The following MAP2 variants were observed in gnomAD, a reference collection of about 807,000 sequenced individuals.
The protein encoded by MAP2 is microtubule-associated protein 2.
MAP2 carries 14 observed loss-of-function variants against 137.6 expected under a neutral mutation model. The observed-to-expected ratio is 0.10, with a 90% CI of 0.07 to 0.16. The LOEUF (loss-of-function observed/expected upper bound fraction) is 0.16, where lower values mean the gene tolerates loss of function less well. MAP2 is among the 10% of genes least tolerant of loss of function. MAP2 has a pLI of 1.00. For synonymous variants in MAP2, 786 were observed against 782.3 expected (o/e 1.00, Z -0.08); for missense variants, 2,088 against 2,191.5 (o/e 0.95, Z 0.94).
At chr2:209,538,850 A>G (rs1261686112) in intron 2 of MAP2, among the ~76,000 whole-genome samples, 1 of 152,168 alleles carries the variant, frequency 6.6e-6, no homozygotes. Context: ...TAATTTAAAT[A>G]TATATAGATT....
At chr2:209,440,506 A>C (rs1029676735) in intron 1 of MAP2, among the ~76,000 whole-genome samples, 2 of 151,542 alleles carry the variant, frequency 1.3e-5, no homozygotes, top group Admixed American at 1.3e-4. Flanking sequence ...GTTTTCTAAT[A>C]AAATAAGGGG....
chr2:209,670,012 T>G (rs767044264), intron 5 of MAP2, among the ~76,000 whole-genome samples: 13 of 152,010 alleles, frequency 8.6e-5, no homozygotes, highest in Non-Finnish European at 1.6e-4. Context: ...TTTCCCCACA[T>G]CTACAAAGAG....
rs999131381 is a variant in MAP2 at position 209,632,001 on chromosome 2, G to A, written c.-30+6872G>A. ...TGCACTTTATTCATTAGATAGTGGG[G>A]ATTCCGTGGGCAACACGGTTTCTGG... On this transcript the variant is annotated intron_variant, in intron 4 of 15. Coordinates refer to ENST00000682079, the MANE Select transcript of MAP2 (RefSeq NM_001375505.1). Among the ~76,000 whole-genome samples the A allele has an allele frequency of 5.3e-5, 8 of 152,168 alleles. No homozygotes were observed. In the South Asian group the frequency reaches 1.0e-3, roughly 20 times the overall value.
At chr2:209,527,622 C>T (rs2064276734) in intron 2 of MAP2, among the ~76,000 whole-genome samples, 1 of 152,138 alleles carries the variant, frequency 6.6e-6, no homozygotes, top group African/African-American at 2.4e-5. Context: ...CTTAGTGTGA[C>T]ACCATGTGTG....
At position 209,653,972 on chromosome 2, in the gene MAP2, A is replaced by G. The variant is rs115184159; in HGVS notation, c.262+540A>G. 5.3e-3 allele frequency among the ~76,000 whole-genome samples: 802 copies of G among 152,308 alleles called. 14 individuals carry two copies. The highest frequency in any genetic ancestry group is 0.018 in the African/African-American group (750 of 41,564). On this transcript the variant is annotated intron_variant, in intron 5 of 15. Coordinates refer to ENST00000682079, the MANE Select transcript of MAP2 (RefSeq NM_001375505.1). The stretch of plus-strand genomic sequence containing the variant: ...AACTTCATGAATCAGATGATCTTGG[A>G]GCAGACATGAGACTTGTGCATATGT...
chr2:209,645,851 T>A (rs2094389197), intron 4 of MAP2, among the ~76,000 whole-genome samples: 1 of 151,804 alleles, frequency 6.6e-6, no homozygotes, highest in African/African-American at 2.4e-5. Flanking sequence ...TAAAAGAAAA[T>A]AAGGGAACAG....
chr2:209,685,376 A>G (rs753112179), intron 7 of MAP2, among the ~76,000 whole-genome samples: 12 of 152,192 alleles, frequency 7.9e-5, no homozygotes, highest in Non-Finnish European at 1.0e-4. Flanking sequence ...TGCACCTGCC[A>G]TACACAACAC....
intron 1 of MAP2, among the ~76,000 whole-genome samples, chr2:209,494,355 A>C (rs1372054534): frequency 6.6e-6 from 1 of 152,034 alleles, no homozygotes; most frequent in Non-Finnish European, 1.5e-5. Flanking sequence ...TGGGTGCAGC[A>C]AACCACCGTG....
intron 1 of MAP2, among the ~76,000 whole-genome samples, chr2:209,465,234 A>G (rs571254774): frequency 6.6e-6 from 1 of 152,276 alleles, no homozygotes; most frequent in Non-Finnish European, 1.5e-5. Context: ...TAGGAAAATA[A>G]TATAAATGAC....
chr2:209,541,812 C>T (rs908975443), intron 2 of MAP2, among the ~76,000 whole-genome samples: 2 of 152,180 alleles, frequency 1.3e-5, no homozygotes, highest in African/African-American at 2.4e-5. Context: ...TTTCTATTTC[C>T]ACCACATGTA....
chr2:209,587,740 T>C (rs934449195), intron 3 of MAP2, among the ~76,000 whole-genome samples: 1 of 152,150 alleles, frequency 6.6e-6, no homozygotes, highest in Admixed American at 6.6e-5. Context: ...GCATGTTAAA[T>C]ATCTGTGGTG....
At chr2:209,630,353 C>T (rs932575115) in intron 4 of MAP2, among the ~76,000 whole-genome samples, 4 of 152,140 alleles carry the variant, frequency 2.6e-5, no homozygotes, top group Non-Finnish European at 4.4e-5. Context: ...TAACTCTTTA[C>T]GTAGAGACTG....
chr2:209,526,212 T>C (rs1559277823), intron 2 of MAP2, among the ~76,000 whole-genome samples: 1 of 152,136 alleles, frequency 6.6e-6, no homozygotes, highest in Non-Finnish European at 1.5e-5. Flanking sequence ...CCTATTCTTT[T>C]GAGCATAGTC....
Position 209,695,376 on chromosome 2 carries a change from A to G in MAP2, c.3206A>G (p.Glu1069Gly), listed in dbSNP as rs200163105. The change falls in exon 8 of 16, where the codon GAG becomes GGG. Residue 1069 changes from glutamate to glycine, a missense_variant. Transcript: ENST00000682079. ...AACATAGATGATAGAAGGGCAACAGAGCTAAAACTTGAGGCTACACAGGAC... is the reference window on the plus strand; with the variant it reads ...AACATAGATGATAGAAGGGCAACAGGGCTAAAACTTGAGGCTACACAGGAC... ...GLNIDDRRAT[E>G]LKLEATQDMT... 1.2e-6 allele frequency: 2 copies of G among 1,613,466 alleles called. No individual in the cohort carries two copies. Among genetic ancestry groups the G allele is most frequent in the Non-Finnish European group, 1.7e-6 (2 of 1,179,750 alleles).
At chr2:209,476,322 A>T (rs1317653370) in intron 1 of MAP2, among the ~76,000 whole-genome samples, 1 of 152,086 alleles carries the variant, frequency 6.6e-6, no homozygotes, top group African/African-American at 2.4e-5. Flanking sequence ...CCGACGCTGA[A>T]GAAAGAGATC....
chr2:209,593,786 A>AT (rs1385939790), intron 3 of MAP2, among the ~76,000 whole-genome samples: 3 of 82 alleles, frequency 0.037, 1 homozygote, highest in South Asian at 1. Context: ...AATACATTAT[A>AT]TTATATTATA....
rs1706842112 is a variant in MAP2 at position 209,475,051 on chromosome 2, T to A, written c.-221-32541T>A. Among the ~76,000 whole-genome samples the A allele has an allele frequency of 2.0e-5, 3 of 152,102 alleles. No homozygotes were observed. In the South Asian group the frequency reaches 6.2e-4, roughly 31 times the overall value. On this transcript the variant is annotated intron_variant, in intron 1 of 15. Transcript: ENST00000682079. ...AATTTTCTATGTGTATGAAGAGGAA[T>A]GAGTTTTAGCTCCATTTCTTGTCTT... is the stretch of plus-strand genomic sequence containing the variant.
rs2055271542 is a variant in MAP2 at position 209,682,827 on chromosome 2, G to T, written c.454+2000G>T. ...GGAGTGTGAGAGTAAGCAGTGGTCA[G>T]CTGGGGTCAGTGGCCTAGATTTCAT... On this transcript the variant is annotated intron_variant, in intron 7 of 15. Coordinates refer to ENST00000682079, the MANE Select transcript of MAP2 (RefSeq NM_001375505.1). 4.6e-5 allele frequency among the ~76,000 whole-genome samples: 7 copies of T among 152,296 alleles called. No homozygotes were observed. The South Asian group carries it at 1.4e-3, about 32-fold the overall frequency.
intron 3 of MAP2, among the ~76,000 whole-genome samples, chr2:209,605,233 G>A (rs2084299387): frequency 6.6e-6 from 1 of 152,222 alleles, no homozygotes; most frequent in East Asian, 1.9e-4. Context: ...ACAGTTTTGT[G>A]TGACTTTTAA....
Sources: allele counts gnomAD v4.1 joint callset (sites outside exome capture counted in the v4.1 genomes callset), GRCh38; gene constraint gnomAD v4.1.1; transcripts MANE v1.5; gene names NCBI Gene and HGNC (gene_info 2026-07-23, HGNC 2026-07-21).